The following CLIC6 variants were observed in gnomAD, a reference collection of about 807,000 sequenced individuals.
CLIC6 encodes the protein CLIC family member 6, also known as chloride intracellular channel protein 6.
In CLIC6, 39 loss-of-function variants were observed where a neutral mutation model predicts 49.2. The observed-to-expected ratio is 0.79, with a 90% confidence interval of 0.61 to 1.04. CLIC6 has a LOEUF of 1.04. CLIC6 is among the 50% of genes least tolerant of loss of function. The pLI, the probability that CLIC6 is intolerant of heterozygous loss-of-function variation, is 0.00. For missense variants in CLIC6, 988 were observed against 993.1 expected, an observed-to-expected ratio of 0.99 and a Z score of 0.07; for synonymous variants, 446 against 433.4, an observed-to-expected ratio of 1.03 and a Z score of -0.36.
At chr21:34,709,619 G>C (rs1384992263) in intron 5 of CLIC6, 81 bp downstream of exon 5, 1 of 1,286,588 alleles carries the variant, frequency 7.8e-7, no homozygotes, top group Admixed American at 2.1e-5. Flanking sequence ...GTTTGGGCCA[G>C]ACATTTAAAC....
At chr21:34,670,862 G>T in intron 1 of CLIC6, 100 bp downstream of exon 1, 3 of 1,316,120 alleles carry the variant, frequency 2.3e-6, no homozygotes, top group Non-Finnish European at 3.0e-6. Flanking sequence ...ACCCTTGGTG[G>T]TATCCTGATT....
chr21:34,697,501 CAAGTCTG>C (rs1466422525), intron 1 of CLIC6, among the ~76,000 whole-genome samples: 1 of 152,144 alleles, frequency 6.6e-6, no homozygotes, highest in Non-Finnish European at 1.5e-5. Flanking sequence ...TGTTAACCAT[CAAGTCTG>C]ATGGATGCAT....
chr21:34,701,567 T>G (rs1175041249), intron 1 of CLIC6, among the ~76,000 whole-genome samples: 1 of 152,106 alleles, frequency 6.6e-6, no homozygotes, highest in African/African-American at 2.4e-5. Context: ...TATCCCTATT[T>G]TTTTAAAAAA....
In CLIC6 at chr21:34,708,802, T is replaced by C. The variant is rs745685332; in HGVS notation, c.1713T>C (p.Asn571=). 8 of 1,605,380 alleles carry C rather than the reference T, an allele frequency of 5.0e-6. No individual in the cohort carries two copies. The East Asian group carries it at 6.7e-5, about 13-fold the overall frequency. Residue 571 remains asparagine (N), a synonymous_variant, in exon 4 of 6, where the codon AAT becomes AAC. Coordinates refer to ENST00000349499, the MANE Select transcript of CLIC6 (RefSeq NM_053277.3). ...AFIKNTKKDA[N]EIHEKNLLKA... is the part of the protein sequence containing the mutation. ...TAAAAAACACGAAGAAGGATGCAAA[T>C]GAGAGTGAGTACCTCCCATCCTCCT...
In CLIC6 at chr21:34,709,490, G is replaced by A; in HGVS notation, c.1851G>A (p.Glu617=). ...GAAGGAAGTTTCTGGATGGGGACGAGCTGACGCTGGCTGACTGCAACCTCT... is the reference window on the plus strand; with the variant it reads ...GAAGGAAGTTTCTGGATGGGGACGAACTGACGCTGGCTGACTGCAACCTCT... ...VSGRKFLDGD[E]LTLADCNLLP... The change falls in exon 5 of 6, where the codon GAG becomes GAA. Residue 617 remains glutamate, a synonymous_variant. Transcript: ENST00000349499. The A allele has an allele frequency of 6.2e-7, 1 of 1,613,976 alleles. No homozygotes were observed. The highest frequency in any genetic ancestry group is 8.5e-7 in the Non-Finnish European group (1 of 1,179,868).
chr21:34,672,721 C>T (rs1303680905), intron 1 of CLIC6, among the ~76,000 whole-genome samples: 2 of 152,188 alleles, frequency 1.3e-5, no homozygotes, highest in Non-Finnish European at 2.9e-5. Flanking sequence ...GACTTTAGAG[C>T]CAGTGGGTCT....
intron 1 of CLIC6, among the ~76,000 whole-genome samples, chr21:34,693,023 CCAA>C: frequency 6.6e-6 from 1 of 152,328 alleles, no homozygotes; most frequent in African/African-American, 2.4e-5. Context: ...AAATAATTTA[CCAA>C]TCGTAAATTG....
At chr21:34,700,459 A>AC (rs1385448299) in intron 1 of CLIC6, among the ~76,000 whole-genome samples, 2 of 139,170 alleles carry the variant, frequency 1.4e-5, no homozygotes, top group Non-Finnish European at 3.1e-5. Context: ...AAAAAAAAAA[A>AC]AAAGAAAAGA....
At chr21:34,707,912 G>T in intron 2 of CLIC6, 32 bp from the exon 3 acceptor site, 1 of 1,612,300 alleles carries the variant, frequency 6.2e-7, no homozygotes, top group Non-Finnish European at 8.5e-7. Flanking sequence ...TCTCACGGTG[G>T]CCCATAAACA....
chr21:34,671,807 G>T (rs931092742), intron 1 of CLIC6, among the ~76,000 whole-genome samples: 3 of 152,192 alleles, frequency 2.0e-5, no homozygotes, highest in Non-Finnish European at 4.4e-5. Context: ...CTCCCAATGT[G>T]ATTAACATCA....
rs527748692 is a variant in CLIC6, at chr21:34,691,339, C to G, written c.1375-15941C>G. On this transcript the variant is annotated intron_variant, in intron 1 of 5. Transcript: ENST00000349499. Reference sequence around the variant, plus strand: ...TGTTGTGATTTCCCTAAATGCCACACTTTTTTTTTGATTCTGACCCTGATT... The same window carrying G: ...TGTTGTGATTTCCCTAAATGCCACAGTTTTTTTTTGATTCTGACCCTGATT... Among the ~76,000 whole-genome samples, 180 of 151,652 alleles carry G rather than the reference C, an allele frequency of 1.2e-3. 3 individuals are homozygous for G. Among genetic ancestry groups the G allele is most frequent in the Non-Finnish European group, 7.5e-4 (51 of 67,904 alleles).
At chr21:34,670,867 C>G in intron 1 of CLIC6, 105 bp downstream of exon 1, 1 of 1,282,864 alleles carries the variant, frequency 7.8e-7, no homozygotes, top group Non-Finnish European at 1.0e-6. Context: ...TGGTGGTATC[C>G]TGATTGTCAT....
At chr21:34,672,901 T>C (rs867162940) in intron 1 of CLIC6, among the ~76,000 whole-genome samples, 5 of 152,236 alleles carry the variant, frequency 3.3e-5, no homozygotes, top group Non-Finnish European at 5.9e-5. Context: ...CTTAGAAAAG[T>C]GCCTGGCTGG....
intron 3 of CLIC6, among the ~76,000 whole-genome samples, chr21:34,708,338 G>T (rs182559568): frequency 4.2e-4 from 64 of 152,258 alleles, no homozygotes; most frequent in African/African-American, 1.4e-3. Context: ...TAGACACCCT[G>T]CTGGAAGCTA....
chr21:34,672,735 A>G (rs185292359), intron 1 of CLIC6, among the ~76,000 whole-genome samples: 1 of 152,316 alleles, frequency 6.6e-6, no homozygotes, highest in Admixed American at 6.5e-5. Flanking sequence ...TGGGTCTGGG[A>G]TCAAATCTTG....
chr21:34,680,216 T>C (rs1392392773), intron 1 of CLIC6, among the ~76,000 whole-genome samples: 1 of 152,246 alleles, frequency 6.6e-6, no homozygotes, highest in Non-Finnish European at 1.5e-5. Flanking sequence ...CCAACACCAC[T>C]TGGAAGCTAC....
At chr21:34,678,424 T>G (rs1420853350) in intron 1 of CLIC6, among the ~76,000 whole-genome samples, 1 of 149,494 alleles carries the variant, frequency 6.7e-6, no homozygotes, top group Non-Finnish European at 1.5e-5. Flanking sequence ...AGAGAGAGAC[T>G]CCATCTAAAA....
At chr21:34,678,309 G>T (rs952453129) in intron 1 of CLIC6, among the ~76,000 whole-genome samples, 1 of 151,686 alleles carries the variant, frequency 6.6e-6, no homozygotes, top group African/African-American at 2.4e-5. Flanking sequence ...GGGCGTGGTG[G>T]CGTGTGCCTG....
chr21:34,707,311 G>A lies in CLIC6; in HGVS notation c.1406G>A (p.Cys469Tyr), dbSNP rs1042170762. The A allele has an allele frequency of 6.2e-7, 1 of 1,614,054 alleles. No individual in the cohort carries two copies. The highest frequency in any genetic ancestry group is 8.5e-7 in the Non-Finnish European group (1 of 1,179,948). ...TATGATGGTGAGAGTATCGGAAATT[G>A]CCCGTTTTCTCAGCGTCTCTTTATG... is the stretch of plus-strand genomic sequence containing the variant. ...AGYDGESIGN[C>Y]PFSQRLFMIL... The change falls in exon 2 of 6, where the codon TGC becomes TAC. Residue 469 changes from cysteine to tyrosine, a missense_variant. This residue lies in a region of CLIC6 where 647 missense variants were observed against 596.9 expected (regional missense o/e 1.08). Coordinates refer to ENST00000349499, the MANE Select transcript of CLIC6 (RefSeq NM_053277.3).
Sources: gnomAD v4.1 joint callset for allele counts (sites outside exome capture counted in the v4.1 genomes callset) on GRCh38, gnomAD v4.1.1 for gene constraint, gnomAD v4.1.1 regional missense constraint, MANE v1.5 for transcripts, NCBI Gene and HGNC (gene_info 2026-07-23, HGNC 2026-07-21) for gene names.